Variants in DMD observed in about 807,000 individuals in gnomAD.
The protein encoded by DMD is mutant dystrophin.
DMD carries 63 observed loss-of-function variants against 330.1 expected under a neutral mutation model. The observed-to-expected ratio is 0.19, with a 90% CI of 0.16 to 0.24. DMD has a LOEUF of 0.24. Ranked by LOEUF, DMD falls within the 10% of genes least tolerant of loss-of-function variation. The pLI is 1.00. For missense variants in DMD, 3,344 were observed against 2,684.1 expected (o/e 1.25, Z -5.43); for synonymous variants, 1,223 against 959.8 (o/e 1.27, Z -5.07).
At chrX:31,385,516 C>A (rs2060405295) in intron 60 of DMD, among the ~76,000 whole-genome samples, 1 of 111,873 alleles carries the variant, frequency 8.9e-6, no homozygotes, top group African/African-American at 3.3e-5. Flanking sequence ...TTTATTGTTG[C>A]TTTAAAAAAA....
chrX:31,928,267 G>A (rs982484968), intron 47 of DMD, among the ~76,000 whole-genome samples: 1 of 111,293 alleles, frequency 9.0e-6, no homozygotes, highest in African/African-American at 3.3e-5. Flanking sequence ...AGAGAGAAAG[G>A]GGAACTATTG....
intron 27 of DMD, 41 bp from the exon 28 acceptor site, chrX:32,441,355 G>A: frequency 4.3e-6 from 5 of 1,167,801 alleles, no homozygotes; most frequent in Non-Finnish European, 5.8e-6. Flanking sequence ...TATTATGGTA[G>A]AAAAGTAAAT....
intron 29 of DMD, among the ~76,000 whole-genome samples, chrX:32,427,408 T>G (rs1026556401): frequency 5.4e-5 from 6 of 111,124 alleles, no homozygotes; most frequent in African/African-American, 2.0e-4. Flanking sequence ...TTGGGAATAA[T>G]TAGCATGTAA....
chrX:31,631,033 T>A (rs1293427301), intron 54 of DMD, among the ~76,000 whole-genome samples: 1 of 111,344 alleles, frequency 9.0e-6, no homozygotes, highest in Non-Finnish European at 1.9e-5. Flanking sequence ...AAGGGCAGCA[T>A]GAAACAGTGT....
At chrX:32,527,814 G>C (rs936932874) in intron 17 of DMD, among the ~76,000 whole-genome samples, 4 of 110,798 alleles carry the variant, frequency 3.6e-5, no homozygotes, top group Admixed American at 1.9e-4. Flanking sequence ...TAGATAAATA[G>C]TTCCCTCTCC....
At chrX:32,324,170 GATAA>G (rs1191293440) in intron 41 of DMD, among the ~76,000 whole-genome samples, 2 of 111,175 alleles carry the variant, frequency 1.8e-5, no homozygotes, top group African/African-American at 6.5e-5. Context: ...ACATATAAAT[GATAA>G]ATACTTGAGA....
chrX:32,607,713 T>C (rs1202259456), intron 12 of DMD, among the ~76,000 whole-genome samples: 1 of 110,789 alleles, frequency 9.0e-6, no homozygotes, highest in Non-Finnish European at 1.9e-5. Flanking sequence ...AATTATTGCC[T>C]TAAAATTCAT....
intron 62 of DMD, among the ~76,000 whole-genome samples, chrX:31,316,750 G>A (rs745799799): frequency 1.8e-5 from 2 of 112,259 alleles, no homozygotes; most frequent in Admixed American, 9.4e-5. Context: ...TCAAATGGCA[G>A]AGGAGAAAAC....
chrX:33,022,910 A>C (rs1276829225), intron 1 of DMD, among the ~76,000 whole-genome samples: 2 of 112,080 alleles, frequency 1.8e-5, no homozygotes, highest in East Asian at 5.6e-4. Flanking sequence ...AGGAGGTTCC[A>C]TGTATGTTGT....
intron 7 of DMD, among the ~76,000 whole-genome samples, chrX:32,782,212 A>C (rs1344640084): frequency 8.9e-6 from 1 of 112,054 alleles, no homozygotes; most frequent in African/African-American, 3.2e-5. Context: ...TATGTATTAA[A>C]TATTATCATT....
At chrX:32,225,112 T>C (rs943178513) in intron 43 of DMD, among the ~76,000 whole-genome samples, 1 of 112,114 alleles carries the variant, frequency 8.9e-6, no homozygotes, top group African/African-American at 3.2e-5. Flanking sequence ...GGACACTGCC[T>C]TATGAAACCT....
At chrX:32,410,203 C>G (rs7876165) in intron 30 of DMD, among the ~76,000 whole-genome samples, 1,272 of 110,671 alleles carry the variant, frequency 0.011, 23 homozygotes, top group African/African-American at 0.039. Context: ...TTACTATTAT[C>G]CCTCACTTCT....
intron 50 of DMD, among the ~76,000 whole-genome samples, chrX:31,800,589 C>T (rs1001785593): frequency 8.9e-6 from 1 of 112,369 alleles, no homozygotes; most frequent in African/African-American, 3.2e-5. Flanking sequence ...ATTGTCTTGG[C>T]GCTTAACATT....
At chrX:32,986,395 C>A (rs1307181692) in intron 2 of DMD, among the ~76,000 whole-genome samples, 9 of 111,365 alleles carry the variant, frequency 8.1e-5, no homozygotes, top group Non-Finnish European at 1.3e-4. Context: ...TTTTTGGTGA[C>A]TTTAGAAATT....
intron 1 of DMD, among the ~76,000 whole-genome samples, chrX:33,336,784 T>G (rs1016143131): frequency 9.0e-6 from 1 of 111,611 alleles, no homozygotes; most frequent in Non-Finnish European, 1.9e-5. Context: ...CTTAAAGCAC[T>G]TCAGAAGACA....
intron 52 of DMD, among the ~76,000 whole-genome samples, chrX:31,708,208 C>G (rs1329561020): frequency 9.0e-6 from 1 of 111,677 alleles, no homozygotes; most frequent in East Asian, 2.8e-4. Context: ...TTTTTCTACC[C>G]TAAACTTACT....
intron 19 of DMD, among the ~76,000 whole-genome samples, chrX:32,492,085 A>T (rs1281177606): frequency 8.9e-6 from 1 of 112,345 alleles, no homozygotes; most frequent in Non-Finnish European, 1.9e-5. Flanking sequence ...CATGCCTATA[A>T]TTCCAACACT....
At chrX:32,493,239 C>T (rs143970400) in intron 19 of DMD, among the ~76,000 whole-genome samples, 29 of 111,703 alleles carry the variant, frequency 2.6e-4, no homozygotes, top group African/African-American at 9.4e-4. Context: ...TTAATGCTGC[C>T]AAACCATGTC....
At chrX:32,972,606 C>T (rs2092422694) in intron 2 of DMD, among the ~76,000 whole-genome samples, 1 of 111,969 alleles carries the variant, frequency 8.9e-6, no homozygotes, top group Non-Finnish European at 1.9e-5. Context: ...AAAACTGGGG[C>T]TATTTTATTC....
Sources: allele counts gnomAD v4.1 joint callset (sites outside exome capture counted in the v4.1 genomes callset), GRCh38; gene constraint gnomAD v4.1.1; transcripts MANE v1.5; gene names NCBI Gene and HGNC (gene_info 2026-07-23, HGNC 2026-07-21).